The following LTBP1 variants were observed in gnomAD, a reference collection of about 807,000 sequenced individuals.
LTBP1 encodes latent transforming growth factor beta binding protein 1, also known as latent-transforming growth factor beta-binding protein 1.
In LTBP1, 129 loss-of-function variants were observed where a neutral mutation model predicts 207.6. The observed-to-expected ratio is 0.62, with a 90% CI of 0.54 to 0.72. The LOEUF (loss-of-function observed/expected upper bound fraction) is 0.72, where lower values mean the gene tolerates loss of function less well. Among genes scored for constraint, LTBP1 ranks in the 30% least tolerant of loss-of-function variants. LTBP1 has a pLI of 0.00. For missense variants in LTBP1, 2,281 were observed against 2,217.2 expected, an observed-to-expected ratio of 1.03 and a Z score of -0.58; for synonymous variants, 963 against 833.7, an observed-to-expected ratio of 1.16 and a Z score of -2.67.
intron 26 of LTBP1, among the ~76,000 whole-genome samples, chr2:33,358,038 T>G (rs1471813464): frequency 6.6e-6 from 1 of 152,210 alleles, no homozygotes; most frequent in Non-Finnish European, 1.5e-5. Context: ...AGTTAATTAC[T>G]TAAAGACTAG....
intron 18 of LTBP1, among the ~76,000 whole-genome samples, 170 bp downstream of exon 18, chr2:33,276,093 T>G (rs986771492): frequency 4.6e-5 from 7 of 151,908 alleles, no homozygotes; most frequent in Non-Finnish European, 1.0e-4. Context: ...ACTGGCTCTT[T>G]TGGGATTATT....
intron 10 of LTBP1, among the ~76,000 whole-genome samples, chr2:33,246,283 A>G (rs2092506020): frequency 6.6e-6 from 1 of 152,134 alleles, no homozygotes; most frequent in Non-Finnish European, 1.5e-5. Context: ...TTCCTTTAGG[A>G]TTTGCGATTT....
chr2:33,360,824 A>G lies in LTBP1; in HGVS notation c.4183+45A>G, dbSNP rs146382675. 6.6e-4 allele frequency: 1,040 copies of G among 1,567,118 alleles called. 5 individuals are homozygous for G. The African/African-American group carries it at 0.012, about 18-fold the overall frequency. On this transcript the variant is annotated intron_variant, in intron 27 of 33. Transcript: ENST00000404816. ...TAGAGTCACACTTGTGTTTGGTCAC[A>G]TGGTGTCCCTGGGCCTTGAAATGAT...
chr2:33,199,185 C>G (rs1170551606), intron 7 of LTBP1, among the ~76,000 whole-genome samples: 1 of 152,120 alleles, frequency 6.6e-6, no homozygotes, highest in Non-Finnish European at 1.5e-5. Flanking sequence ...GCAGGTTGTT[C>G]AGTTTCCATG....
chr2:33,229,371 A>C (rs577542341), intron 9 of LTBP1, among the ~76,000 whole-genome samples: 8 of 151,900 alleles, frequency 5.3e-5, no homozygotes, highest in Non-Finnish European at 1.0e-4. Flanking sequence ...GCTACTGAGA[A>C]GCTGAGGCAG....
intron 3 of LTBP1, among the ~76,000 whole-genome samples, chr2:33,068,793 G>A (rs1006398698): frequency 6.6e-6 from 1 of 152,114 alleles, no homozygotes; most frequent in African/African-American, 2.4e-5. Context: ...TTAATATTAT[G>A]TTTTGAATTT....
At chr2:33,055,908 A>C (rs1356280519) in intron 3 of LTBP1, among the ~76,000 whole-genome samples, 1 of 152,084 alleles carries the variant, frequency 6.6e-6, no homozygotes, top group Non-Finnish European at 1.5e-5. Context: ...GGGAGATGAG[A>C]GGATGATTAT....
chr2:33,175,717 C>T (rs1013339858), intron 5 of LTBP1, among the ~76,000 whole-genome samples: 30 of 152,084 alleles, frequency 2.0e-4, no homozygotes, highest in East Asian at 1.2e-3. Context: ...ATGTTTATTG[C>T]GGCACTATTC....
rs148474540 is a variant in LTBP1, at chr2:32,987,650, T to C, written c.566-33259T>C. Among the ~76,000 whole-genome samples the C allele has an allele frequency of 2.5e-3, 381 of 152,324 alleles. 2 individuals carry two copies. Among genetic ancestry groups the C allele is most frequent in the African/African-American group, 8.4e-3 (350 of 41,566 alleles). ...TAATAGTTAGTGGGAACTTGTAAGATGCTTGGTCTAATATCTAAAGTAGGT... is the reference window on the plus strand; with the variant it reads ...TAATAGTTAGTGGGAACTTGTAAGACGCTTGGTCTAATATCTAAAGTAGGT... On this transcript the variant is annotated intron_variant, in intron 2 of 33. Transcript: ENST00000404816.
chr2:33,044,173 A>C (rs1371001509), intron 3 of LTBP1, among the ~76,000 whole-genome samples: 1 of 151,930 alleles, frequency 6.6e-6, no homozygotes, highest in African/African-American at 2.4e-5. Flanking sequence ...CATGTGCAGA[A>C]CATGGCAGGT....
At chr2:33,305,193 G>T (rs182969932) in intron 22 of LTBP1, among the ~76,000 whole-genome samples, 28 of 152,134 alleles carry the variant, frequency 1.8e-4, no homozygotes, top group Non-Finnish European at 2.8e-4. Flanking sequence ...GTGTGGCGGC[G>T]TGTGCCTGTA....
chr2:33,149,597 T>A (rs2083349762), intron 5 of LTBP1, among the ~76,000 whole-genome samples: 1 of 152,184 alleles, frequency 6.6e-6, no homozygotes, highest in Non-Finnish European at 1.5e-5. Context: ...CATTTGATAA[T>A]TTGTATGAGA....
At chr2:33,086,751 A>G (rs1255542721) in intron 3 of LTBP1, among the ~76,000 whole-genome samples, 1 of 152,010 alleles carries the variant, frequency 6.6e-6, no homozygotes, top group African/African-American at 2.4e-5. Context: ...TTAATTCACA[A>G]GGAGCATTAA....
At chr2:33,115,162 C>T (rs1179720329) in intron 4 of LTBP1, among the ~76,000 whole-genome samples, 1 of 150,368 alleles carries the variant, frequency 6.7e-6, no homozygotes, top group African/African-American at 2.5e-5. Flanking sequence ...TATTACTCAG[C>T]CATAAAAAGG....
At chr2:33,377,969 G>A (rs188190421) in intron 31 of LTBP1, among the ~76,000 whole-genome samples, 90 of 152,222 alleles carry the variant, frequency 5.9e-4, no homozygotes, top group African/African-American at 2.1e-3. Context: ...CCACCAGGTC[G>A]GGATTACAAT....
In LTBP1 at chr2:33,300,485, A is replaced by G; in HGVS notation, c.3270A>G (p.Val1090=). The change falls in exon 21 of 34, where the codon GTA becomes GTG. Residue 1090 remains valine, a synonymous_variant. Transcript: ENST00000404816. ...IDECQQGNLC[V]NGQCKNTEGS... Reference sequence around the variant, plus strand: ...AATGTCAGCAAGGGAATCTATGTGTAAACGGGCAGTGCAAAAATACCGAGG... The same window carrying G: ...AATGTCAGCAAGGGAATCTATGTGTGAACGGGCAGTGCAAAAATACCGAGG... 1 of 1,613,782 alleles carries G rather than the reference A, an allele frequency of 6.2e-7. No individual in the cohort carries two copies. The highest frequency in any genetic ancestry group is 8.5e-7 in the Non-Finnish European group (1 of 1,179,764).
chr2:33,050,178 G>A (rs955010384), intron 3 of LTBP1, among the ~76,000 whole-genome samples: 4 of 145,468 alleles, frequency 2.7e-5, no homozygotes, highest in African/African-American at 5.2e-5. Flanking sequence ...TCCCTAGAAC[G>A]GTGTATGATC....
chr2:33,335,449 A>G (rs2094543952), intron 24 of LTBP1, among the ~76,000 whole-genome samples: 1 of 152,078 alleles, frequency 6.6e-6, no homozygotes, highest in Non-Finnish European at 1.5e-5. Flanking sequence ...ATTTTCCATA[A>G]CACATATGGG....
intron 2 of LTBP1, among the ~76,000 whole-genome samples, chr2:33,007,761 G>A (rs1435657597): frequency 6.6e-6 from 1 of 152,174 alleles, no homozygotes; most frequent in Non-Finnish European, 1.5e-5. Context: ...TTGGTGCATA[G>A]GATAATAATA....
Sources: gnomAD v4.1 joint callset for allele counts (sites outside exome capture counted in the v4.1 genomes callset) on GRCh38, gnomAD v4.1.1 for gene constraint, MANE v1.5 for transcripts, NCBI Gene and HGNC (gene_info 2026-07-23, HGNC 2026-07-21) for gene names.